Variants in ARHGEF18 observed in about 807,000 individuals in gnomAD.
ARHGEF18 encodes the protein Rho/Rac guanine nucleotide exchange factor 18.
Under a neutral mutation model 155.7 loss-of-function variants are expected in ARHGEF18, and 93 were observed. The ratio of observed to expected loss-of-function variants is 0.60; its 90% confidence interval spans 0.50 to 0.71. The LOEUF is 0.71. Among genes scored for constraint, ARHGEF18 ranks in the 30% least tolerant of loss-of-function variants. The pLI is 0.00. For missense variants in ARHGEF18, 1,593 were observed against 1,816.1 expected (o/e 0.88, Z 2.23); for synonymous variants, 742 against 753.1 (o/e 0.99, Z 0.24).
intron 2 of ARHGEF18, among the ~76,000 whole-genome samples, chr19:7,364,190 AC>A (rs1969772518): frequency 6.7e-6 from 1 of 149,866 alleles, no homozygotes; most frequent in African/African-American, 2.5e-5. Flanking sequence ...AGATGAGAAG[AC>A]GGGTGAGTGG....
At chr19:7,465,283 G>A (rs1172320386) in intron 23 of ARHGEF18, among the ~76,000 whole-genome samples, 1 of 152,186 alleles carries the variant, frequency 6.6e-6, no homozygotes, top group Admixed American at 6.5e-5. Flanking sequence ...TCCCAGTCAT[G>A]ACCCGGTCCT....
intron 7 of ARHGEF18, among the ~76,000 whole-genome samples, chr19:7,379,389 T>C (rs1291165469): frequency 6.6e-6 from 1 of 151,906 alleles, no homozygotes; most frequent in Non-Finnish European, 1.5e-5. Flanking sequence ...CGAAACCTCG[T>C]CTCTACTCAA....
At chr19:7,461,704 T>C (rs1352905511) in intron 20 of ARHGEF18, among the ~76,000 whole-genome samples, 1 of 152,184 alleles carries the variant, frequency 6.6e-6, no homozygotes, top group Non-Finnish European at 1.5e-5. Flanking sequence ...GACAGGATCT[T>C]GCTTTGTTGG....
chr19:7,389,192 C>G (rs2145496405), intron 10 of ARHGEF18, among the ~76,000 whole-genome samples: 1 of 149,774 alleles, frequency 6.7e-6, no homozygotes. Context: ...GCTCTGTTGC[C>G]CAGGCTGGGG....
chr19:7,374,683 A>C (rs1970351371), intron 3 of ARHGEF18, among the ~76,000 whole-genome samples: 1 of 137,478 alleles, frequency 7.3e-6, no homozygotes, highest in Non-Finnish European at 1.5e-5. Context: ...GTCTCAAAAA[A>C]AAAGGAAGAA....
chr19:7,392,557 AAC>A (rs1568292202), intron 10 of ARHGEF18: 1 of 151,236 alleles, frequency 6.6e-6, no homozygotes, highest in Non-Finnish European at 1.5e-5. Flanking sequence ...ACAAAAAAAA[AAC>A]ACAAAAATTA....
intron 5 of ARHGEF18, 59 bp from the exon 6 acceptor site, chr19:7,378,335 C>T: frequency 8.2e-7 from 1 of 1,212,676 alleles, no homozygotes. Flanking sequence ...CTCTGCTGGG[C>T]TGGTCCTGTC....
rs1274056647 is a variant in ARHGEF18, at chr19:7,444,205, G to A, written c.1362G>A (p.Glu454=). Residue 454 remains glutamate, a splice_region_variant and synonymous_variant, in exon 14 of 29, where the codon GAG becomes GAA. Coordinates refer to ENST00000668164, the MANE Select transcript of ARHGEF18 (RefSeq NM_001367823.1). The surrounding 1 kb of genome is among the most constrained non-coding windows in gnomAD (Gnocchi z 4.7). ...GTCCTGCCGTCTGTGTCCCTGCAGA[G>A]CTGATGCAGACAGAGGTGCACCACG... ...EVVKRQDVLY[E]LMQTEVHHVR... The A allele has an allele frequency of 1.2e-6, 2 of 1,612,618 alleles. No homozygotes were observed. The highest frequency in any genetic ancestry group is 1.7e-6 in the Non-Finnish European group (2 of 1,179,496).
chr19:7,477,607 C>T, the ARHGEF18 span, among the ~76,000 whole-genome samples: 1 of 152,116 alleles, frequency 6.6e-6, no homozygotes, highest in African/African-American at 2.4e-5. Context: ...GTCCCCATCA[C>T]CCCCCCGACC....
At chr19:7,384,692 AT>A (rs369171603) in intron 10 of ARHGEF18, among the ~76,000 whole-genome samples, 17,047 of 141,474 alleles carry the variant, frequency 0.12, 1,741 homozygotes, top group African/African-American at 0.29. Flanking sequence ...TTTTTGCAAA[AT>A]TTTTTTTTTT....
chr19:7,466,824 A>G, intron 23 of ARHGEF18, 94 bp from the exon 24 acceptor site: 1 of 1,153,082 alleles, frequency 8.7e-7, no homozygotes, highest in Non-Finnish European at 1.2e-6. Context: ...AAAAAAAAAA[A>G]AAGTTAAAAA....
intron 19 of ARHGEF18, among the ~76,000 whole-genome samples, chr19:7,459,401 G>A (rs951087616): frequency 2.6e-5 from 4 of 152,046 alleles, no homozygotes; most frequent in African/African-American, 9.6e-5. Context: ...TTTTATTTTT[G>A]TAGAGATGGG....
chr19:7,468,795 C>T (rs779379088), intron 26 of ARHGEF18, 30 bp from the exon 27 acceptor site: 2 of 1,505,340 alleles, frequency 1.3e-6, no homozygotes, highest in African/African-American at 1.4e-5. Context: ...AGGAACCTCA[C>T]ATTGGATGTA....
At chr19:7,368,402 T>C (rs1450185672) in intron 2 of ARHGEF18, among the ~76,000 whole-genome samples, 1 of 152,092 alleles carries the variant, frequency 6.6e-6, no homozygotes, top group Non-Finnish European at 1.5e-5. Context: ...CTTACTCAGA[T>C]ACCTGGAAAG....
rs946108797 is a variant in ARHGEF18 at position 7,467,665 on chromosome 19, C to T, written c.3461C>T (p.Pro1154Leu). Residue 1154 changes from proline to leucine, a missense_variant, in exon 26 of 29, where the codon CCG (proline) becomes CTG (leucine). Transcript: ENST00000668164. ...CAGAACACCGCGCCAGGCGCGCTGC[C>T]GCCCGACACACTGGCCGAGGTGAGC... The part of the protein sequence containing the change: ...KKQNTAPGAL[P>L]PDTLAEAQPP... 6.6e-7 allele frequency: 1 copy of T among 1,510,394 alleles called. No homozygotes were observed. Among genetic ancestry groups the T allele is most frequent in the African/African-American group, 1.4e-5 (1 of 70,758 alleles). 93.6% of individuals were successfully genotyped at this position (1,510,394 alleles called of 1,614,324 possible). A position where few individuals can be genotyped will look rare whatever the true frequency, so the allele number is the denominator to read the frequency against.
intron 10 of ARHGEF18, among the ~76,000 whole-genome samples, chr19:7,401,933 A>G (rs1972037269): frequency 6.6e-6 from 1 of 152,186 alleles, no homozygotes; most frequent in Non-Finnish European, 1.5e-5. Flanking sequence ...TGGACCTGGA[A>G]AAAACTTGCT....
At chr19:7,385,293 T>A (rs1970943515) in intron 10 of ARHGEF18, among the ~76,000 whole-genome samples, 1 of 152,080 alleles carries the variant, frequency 6.6e-6, no homozygotes, top group African/African-American at 2.4e-5. Context: ...GATTGCTGGT[T>A]CCTTATCATT....
intron 1 of ARHGEF18, among the ~76,000 whole-genome samples, chr19:7,352,796 G>T (rs1600163216): frequency 7.0e-6 from 1 of 142,516 alleles, no homozygotes; most frequent in South Asian, 2.3e-4. Context: ...GCCTCCCAAA[G>T]TGCTGGAATT....
At chr19:7,377,453 G>A (rs890302727) in intron 5 of ARHGEF18, among the ~76,000 whole-genome samples, 1 of 152,002 alleles carries the variant, frequency 6.6e-6, no homozygotes, top group African/African-American at 2.4e-5. Flanking sequence ...GACAAACCTG[G>A]AGTCTAAACA....
Sources: allele counts gnomAD v4.1 joint callset (sites outside exome capture counted in the v4.1 genomes callset), GRCh38; gene constraint gnomAD v4.1.1; non-coding constraint Gnocchi (gnomAD v3.1); transcripts MANE v1.5; gene names NCBI Gene and HGNC (gene_info 2026-07-23, HGNC 2026-07-21).